Variants in ADAMTSL1 observed in about 807,000 individuals in gnomAD.
The protein encoded by ADAMTSL1 is ADAMTS like 1, also known as ADAMTS-like protein 1.
Under a neutral mutation model 201.8 loss-of-function variants are expected in ADAMTSL1, and 126 were observed. That is an observed-to-expected ratio of 0.62 (90% CI 0.54 to 0.72). The LOEUF (loss-of-function observed/expected upper bound fraction) is 0.72, where lower values mean the gene tolerates loss of function less well. ADAMTSL1 is among the 30% of genes least tolerant of loss of function. The pLI is 0.00. For synonymous variants in ADAMTSL1, 1,121 were observed against 903.4 expected (o/e 1.24, Z -4.32); for missense variants, 2,679 against 2,277.8 (o/e 1.18, Z -3.59).
chr9:18,665,645 C>G (rs1829384012), intron 9 of ADAMTSL1, among the ~76,000 whole-genome samples: 1 of 152,018 alleles, frequency 6.6e-6, no homozygotes, highest in Admixed American at 6.6e-5. Context: ...TTCTCATTCT[C>G]TTTTCCTTTT....
chr9:17,951,233 A>T (rs1355471293), intron 1 of ADAMTSL1, among the ~76,000 whole-genome samples: 1 of 152,118 alleles, frequency 6.6e-6, no homozygotes, highest in East Asian at 1.9e-4. Context: ...AGGTAAAGAG[A>T]TGTGTGGCAG....
At chr9:18,621,194 T>A (rs1366192477) in intron 4 of ADAMTSL1, among the ~76,000 whole-genome samples, 4 of 152,202 alleles carry the variant, frequency 2.6e-5, no homozygotes, top group African/African-American at 9.6e-5. Flanking sequence ...TAACTAGAAC[T>A]GTAAGCCATA....
At chr9:18,554,253 T>G (rs1820970999) in intron 3 of ADAMTSL1, among the ~76,000 whole-genome samples, 1 of 151,858 alleles carries the variant, frequency 6.6e-6, no homozygotes, top group East Asian at 1.9e-4. Context: ...TGTTAAATTT[T>G]TTTATTTTGC....
At chr9:18,407,879 G>T (rs1818271460) in intron 2 of ADAMTSL1, among the ~76,000 whole-genome samples, 1 of 152,228 alleles carries the variant, frequency 6.6e-6, no homozygotes, top group Admixed American at 6.5e-5. Flanking sequence ...CAGCAGCTTT[G>T]CTAGGAGAAG....
At chr9:18,227,744 C>T (rs1293718045) in intron 2 of ADAMTSL1, among the ~76,000 whole-genome samples, 1 of 152,182 alleles carries the variant, frequency 6.6e-6, no homozygotes, top group East Asian at 1.9e-4. Flanking sequence ...GTAGCCTGAT[C>T]ACTATCTCCT....
intron 2 of ADAMTSL1, among the ~76,000 whole-genome samples, chr9:18,227,540 C>T (rs1410142380): frequency 3.3e-5 from 5 of 152,134 alleles, no homozygotes; most frequent in African/African-American, 1.2e-4. Flanking sequence ...TATGTTTAAG[C>T]CTAGCTTACA....
chr9:18,153,979 T>C (rs1392469919), intron 1 of ADAMTSL1, among the ~76,000 whole-genome samples: 1 of 151,990 alleles, frequency 6.6e-6, no homozygotes, highest in Non-Finnish European at 1.5e-5. Context: ...TGGCAGCAGG[T>C]AATTTTGAGA....
intron 23 of ADAMTSL1, 78 bp from the exon 24 acceptor site, chr9:18,887,753 C>A: frequency 7.6e-7 from 1 of 1,322,784 alleles, no homozygotes; most frequent in Non-Finnish European, 1.1e-6. Context: ...TCTAGAGCCA[C>A]ACAGACAGTA....
chr9:18,621,081 G>A (rs1373554492), intron 4 of ADAMTSL1, among the ~76,000 whole-genome samples: 1 of 152,138 alleles, frequency 6.6e-6, no homozygotes, highest in Non-Finnish European at 1.5e-5. Flanking sequence ...ACTTTATGAA[G>A]AGAAGCCATA....
intron 1 of ADAMTSL1, among the ~76,000 whole-genome samples, chr9:17,944,225 G>A (rs868309619): frequency 6.6e-6 from 1 of 152,110 alleles, no homozygotes; most frequent in South Asian, 2.1e-4. Flanking sequence ...TTGCTTCAAA[G>A]AGAATAAAAT....
chr9:18,666,762 T>G (rs1829460862), intron 9 of ADAMTSL1, among the ~76,000 whole-genome samples: 1 of 152,104 alleles, frequency 6.6e-6, no homozygotes, highest in African/African-American at 2.4e-5. Flanking sequence ...CAGCAACAAC[T>G]AAAAAGGCAT....
At chr9:18,860,232 G>T (rs746326364) in intron 23 of ADAMTSL1, among the ~76,000 whole-genome samples, 15 of 152,174 alleles carry the variant, frequency 9.9e-5, no homozygotes, top group Non-Finnish European at 2.1e-4. Context: ...TTCTTTGGGG[G>T]TAAAAATATA....
intron 1 of ADAMTSL1, among the ~76,000 whole-genome samples, chr9:18,021,495 T>C (rs1254059886): frequency 6.6e-6 from 1 of 152,110 alleles, no homozygotes. Context: ...AGAGCTTCAG[T>C]TGGTGGTTGG....
chr9:18,734,531 T>C (rs1311821571), intron 15 of ADAMTSL1, among the ~76,000 whole-genome samples: 2 of 152,090 alleles, frequency 1.3e-5, no homozygotes, highest in Non-Finnish European at 2.9e-5. Flanking sequence ...GGAGAAACAA[T>C]AAAGTCTAGG....
chr9:18,365,692 G>C (rs930195706), intron 2 of ADAMTSL1, among the ~76,000 whole-genome samples: 1 of 152,142 alleles, frequency 6.6e-6, no homozygotes, highest in Non-Finnish European at 1.5e-5. Flanking sequence ...AAGAGTGTGA[G>C]AGAAAGAAAA....
At chr9:18,648,311 A>T (rs1270536534) in intron 7 of ADAMTSL1, among the ~76,000 whole-genome samples, 4 of 148,716 alleles carry the variant, frequency 2.7e-5, no homozygotes, top group South Asian at 2.2e-4. Flanking sequence ...TCCTGAATAC[A>T]GCACACTGAT....
rs567073762 is a variant in ADAMTSL1, at chr9:18,108,400, A to G, written c.88-55462A>G. Among the ~76,000 whole-genome samples the G allele has an allele frequency of 5.9e-5, 9 of 152,036 alleles. 1 individual carries two copies. In the South Asian group the frequency reaches 1.7e-3, roughly 28 times the overall value. ...TTTTTTGTTGAGACAAGGTTTTGCC[A>G]TATTGCACAGGCTGGTCTTGAACTC... On this transcript the variant is annotated intron_variant, in intron 1 of 29. Coordinates refer to the ADAMTSL1 transcript ENST00000680146.
intron 7 of ADAMTSL1, among the ~76,000 whole-genome samples, chr9:18,646,112 G>A (rs1371901720): frequency 6.6e-6 from 1 of 151,884 alleles, no homozygotes; most frequent in Admixed American, 6.5e-5. Flanking sequence ...CACATCCCTT[G>A]TAAGTTGGAT....
At chr9:18,762,534 T>A (rs912286813) in intron 16 of ADAMTSL1, among the ~76,000 whole-genome samples, 1 of 152,152 alleles carries the variant, frequency 6.6e-6, no homozygotes, top group Non-Finnish European at 1.5e-5. Flanking sequence ...AAGTTTTTTT[T>A]AATCTACAGT....
Sources: gnomAD v4.1 joint callset for allele counts (sites outside exome capture counted in the v4.1 genomes callset) on GRCh38, gnomAD v4.1.1 for gene constraint, MANE v1.5 for transcripts, NCBI Gene and HGNC (gene_info 2026-07-23, HGNC 2026-07-21) for gene names.